The following PSEN2 variants were observed in gnomAD, a reference collection of about 807,000 sequenced individuals.
The protein encoded by PSEN2 is presenilin-2.
A neutral mutation model predicts 49.1 loss-of-function variants in PSEN2; 32 were observed. The observed-to-expected ratio is 0.65, with a 90% CI of 0.49 to 0.88. The LOEUF is 0.88. PSEN2 is among the 40% of genes least tolerant of loss of function. PSEN2 has a pLI of 0.00. For missense variants in PSEN2, 522 were observed against 586.9 expected, an observed-to-expected ratio of 0.89 and a Z score of 1.14; for synonymous variants, 255 against 244.0, an observed-to-expected ratio of 1.05 and a Z score of -0.42.
In PSEN2 at chr1:226,895,885, G is replaced by T. The variant is rs145129440; in HGVS notation, c.*306G>T. ...GCATCCGGCATGAGGGCTGAGATGC[G>T]CAAAGAGTGTGCTCGGGAGTGGCCC... On this transcript the variant is annotated 3_prime_UTR_variant, in exon 13 of 13. Transcript: ENST00000366783. The T allele has an allele frequency of 4.3e-6, 2 of 464,914 alleles. No homozygotes were observed. The highest frequency in any genetic ancestry group is 6.8e-5 in the Admixed American group (2 of 29,394). The allele number at this position is 464,914 out of a possible 1,614,324, so 28.8% of individuals were successfully genotyped here. A position where few individuals can be genotyped will look rare whatever the true frequency, so the allele number is the denominator to read the frequency against.
Position 226,883,908 on chromosome 1 carries a change from G to T in PSEN2, c.345G>T (p.Lys115Asn). 2.1e-6 allele frequency: 3 copies of T among 1,418,568 alleles called. No individual in the cohort carries two copies. The highest frequency in any genetic ancestry group is 2.8e-6 in the Non-Finnish European group (3 of 1,055,746). The allele number at this position is 1,418,568 out of a possible 1,614,324, so 87.9% of individuals were successfully genotyped here. A position where few individuals can be genotyped will look rare whatever the true frequency, so the allele number is the denominator to read the frequency against. Residue 115 changes from lysine (K) to asparagine (N), a missense_variant, in exon 5 of 13, where the codon AAG becomes AAT. Lys to Asn is a moderately conservative substitution (Grantham distance 94). Transcript: ENST00000366783. ...TIKSVRFYTE[K>N]NGQLIYTPFT... ...AGTCTGTGCGCTTCTACACAGAGAA[G>T]AATGGACAGCTGTGAGTTGGGGGGC...
rs1800679 is a variant in PSEN2 at position 226,888,238 on chromosome 1, C to T, written c.566+80C>T. 0.019 allele frequency: 24,797 copies of T among 1,311,856 alleles called. 340 individuals are homozygous for T. Among genetic ancestry groups the T allele is most frequent in the Middle Eastern group, 0.043 (195 of 4,566 alleles). 81.3% of individuals were successfully genotyped at this position (1,311,856 alleles called of 1,614,324 possible). ...GTGGACATGGGCATGAGGACCTGGG[C>T]GGGGAAAGATGACCATCGAGCTCCA... On this transcript the variant is annotated intron_variant, in intron 7 of 12. Transcript: ENST00000366783.
At chr1:226,886,916 A>G (rs1288668365) in intron 6 of PSEN2, among the ~76,000 whole-genome samples, 3 of 152,210 alleles carry the variant, frequency 2.0e-5, no homozygotes, top group African/African-American at 7.2e-5. Flanking sequence ...AGCCTGGGCA[A>G]TGTAAGACCC....
chr1:226,883,181 A>G (rs954534131), intron 4 of PSEN2, among the ~76,000 whole-genome samples: 4 of 152,178 alleles, frequency 2.6e-5, no homozygotes, highest in Non-Finnish European at 2.9e-5. Context: ...TCTAGTTCAG[A>G]GCTACAAATT....
intron 9 of PSEN2, among the ~76,000 whole-genome samples, chr1:226,890,392 G>A (rs1226966853): frequency 6.6e-6 from 1 of 152,240 alleles, no homozygotes; most frequent in African/African-American, 2.4e-5. Flanking sequence ...GCATGCTGCG[G>A]TGCAGGTTGC....
In PSEN2 at chr1:226,892,591, A is replaced by G. The variant is rs1284356575; in HGVS notation, c.1072+747A>G. Among the ~76,000 whole-genome samples, 4 of 152,282 alleles carry G rather than the reference A, an allele frequency of 2.6e-5. No individual in the cohort carries two copies. In the East Asian group the frequency reaches 7.7e-4, roughly 29 times the overall value. On this transcript the variant is annotated intron_variant, in intron 11 of 12. Transcript: ENST00000366783. ...CAGCCTGGTGACAGTGGCTTGGCATACAGGACTCCAGTGACACGGGAGGGG... is the reference window on the plus strand; with the variant it reads ...CAGCCTGGTGACAGTGGCTTGGCATGCAGGACTCCAGTGACACGGGAGGGG...
chr1:226,875,036 C>G (rs980539188), intron 2 of PSEN2, among the ~76,000 whole-genome samples: 3 of 152,194 alleles, frequency 2.0e-5, no homozygotes, highest in African/African-American at 7.2e-5. Flanking sequence ...GGGCCCCAGG[C>G]ACTTCTGAGT....
At chr1:226,892,668 G>T (rs948545173) in intron 11 of PSEN2, among the ~76,000 whole-genome samples, 2 of 152,120 alleles carry the variant, frequency 1.3e-5, no homozygotes, top group Admixed American at 6.5e-5. Context: ...GAGCAGGTGC[G>T]CACCCTCCAG....
rs1661025159 is a variant in PSEN2, at chr1:226,881,981, G to A, written c.74G>A (p.Ser25Asn). 6.2e-7 allele frequency: 1 copy of A among 1,613,950 alleles called. No homozygotes were observed. The highest frequency in any genetic ancestry group is 1.3e-5 in the African/African-American group (1 of 74,928). Reference sequence around the variant, plus strand: ...CGGACGTCCCTAATGTCGGCTGAGAGCCCCACGCCGCGCTCCTGCCAGGAG... The same window carrying A: ...CGGACGTCCCTAATGTCGGCTGAGAACCCCACGCCGCGCTCCTGCCAGGAG... ...DERTSLMSAE[S>N]PTPRSCQEGR... is the part of the protein sequence containing the mutation. The change falls in exon 4 of 13, where the codon AGC becomes AAC. Residue 25 changes from serine (S) to asparagine (N), a missense_variant. By Grantham distance (46) the Ser-to-Asn change is conservative. Transcript: ENST00000366783.
At chr1:226,891,934 G>T (rs1183460077) in intron 11 of PSEN2, 90 bp downstream of exon 11, 1 of 1,216,636 alleles carries the variant, frequency 8.2e-7, no homozygotes, top group African/African-American at 1.5e-5. Context: ...GGTGGAGGAG[G>T]GCATGAGGGG....
downstream of PSEN2, among the ~76,000 whole-genome samples, chr1:226,896,567 C>G (rs1013296684): frequency 9.9e-5 from 15 of 152,118 alleles, no homozygotes; most frequent in Non-Finnish European, 1.9e-4. Context: ...AAGAGAATCT[C>G]AGAAGTGCCT....
At chr1:226,872,341 C>G (rs1660357672) in intron 2 of PSEN2, among the ~76,000 whole-genome samples, 1 of 152,188 alleles carries the variant, frequency 6.6e-6, no homozygotes, top group South Asian at 2.1e-4. Flanking sequence ...AATTTAAGAT[C>G]TTAAGAATTT....
intron 5 of PSEN2, 135 bp downstream of exon 5, chr1:226,884,054 G>A (rs556600310): frequency 6.7e-5 from 52 of 771,944 alleles, no homozygotes; most frequent in African/African-American, 2.2e-4. Context: ...ATGAAGAACC[G>A]CCCAGGTTCA....
At chr1:226,891,255 G>T in intron 9 of PSEN2, 23 bp from the exon 10 acceptor site, 1 of 1,611,282 alleles carries the variant, frequency 6.2e-7, no homozygotes, top group African/African-American at 1.3e-5. Context: ...CGCCTGAGAT[G>T]TGAACCTTTT....
intron 9 of PSEN2, chr1:226,890,521 A>C (rs1661672744): frequency 9.4e-6 from 3 of 320,510 alleles, no homozygotes; most frequent in African/African-American, 6.4e-5. Context: ...CCTTGACAGC[A>C]GCGTGGCTGA....
intron 9 of PSEN2, 25 bp from the exon 10 acceptor site, chr1:226,891,253 A>ACC: frequency 6.2e-7 from 1 of 1,610,030 alleles, no homozygotes. Context: ...ACCGCCTGAG[A>ACC]TGTGAACCTT....
intron 2 of PSEN2, among the ~76,000 whole-genome samples, chr1:226,874,587 G>GT (rs1295489799): frequency 6.6e-6 from 1 of 152,206 alleles, no homozygotes; most frequent in Non-Finnish European, 1.5e-5. Context: ...CAGCAGATCC[G>GT]TAACTTTCCA....
At position 226,891,376 on chromosome 1, in the gene PSEN2, G is replaced by C; in HGVS notation, c.970+15G>C. ...CCCGGAGATGGGTGAGTATCTTGGGGAGCTAACAGCCTCTCATCACTGGGG... is the reference window on the plus strand; with the variant it reads ...CCCGGAGATGGGTGAGTATCTTGGGCAGCTAACAGCCTCTCATCACTGGGG... On this transcript the variant is annotated intron_variant, in intron 10 of 12. Coordinates refer to ENST00000366783, the MANE Select transcript of PSEN2 (RefSeq NM_000447.3). 6.2e-7 allele frequency: 1 copy of C among 1,603,726 alleles called. No individual in the cohort carries two copies. Among genetic ancestry groups the C allele is most frequent in the Non-Finnish European group, 8.5e-7 (1 of 1,174,736 alleles).
At position 226,890,109 on chromosome 1, in the gene PSEN2, A is replaced by G. The variant is rs1179531038; in HGVS notation, c.862A>G (p.Ile288Val). The change falls in exon 9 of 13, where the codon ATA becomes GTA. Residue 288 changes from isoleucine (I) to valine (V), a missense_variant. By Grantham distance (29) the Ile-to-Val change is conservative. Transcript: ENST00000366783. The part of the protein sequence containing the change: ...VETAQERNEP[I>V]FPALIYSSAM... ...AACTGCCCAGGAGAGAAATGAGCCC[A>G]TATTCCCTGCCCTGATATACTCATG... 2 of 1,613,952 alleles carry G rather than the reference A, an allele frequency of 1.2e-6. No homozygotes were observed. Among genetic ancestry groups the G allele is most frequent in the South Asian group, 1.1e-5 (1 of 91,078 alleles).
Sources: allele counts gnomAD v4.1 joint callset (sites outside exome capture counted in the v4.1 genomes callset), GRCh38; gene constraint gnomAD v4.1.1; transcripts MANE v1.5; gene names NCBI Gene and HGNC (gene_info 2026-07-23, HGNC 2026-07-21).